RASSF6: variants seen among roughly 807,000 people sequenced by gnomAD.
RASSF6 encodes the protein Ras association domain family member 6.
In RASSF6, 52 loss-of-function variants were observed where a neutral mutation model predicts 44.0. That is an observed-to-expected ratio of 1.18 (90% CI 0.95 to 1.49). The LOEUF (loss-of-function observed/expected upper bound fraction) is 1.49, where lower values mean the gene tolerates loss of function less well. Ranked by LOEUF, RASSF6 falls within the 40% of genes most tolerant of loss-of-function variation. RASSF6 has a pLI of 0.00. For synonymous variants in RASSF6, 162 were observed against 124.6 expected (o/e 1.30, Z -2.00); for missense variants, 464 against 393.3 (o/e 1.18, Z -1.52).
chr4:73,592,454 T>G, intron 4 of RASSF6, among the ~76,000 whole-genome samples: 1 of 151,690 alleles, frequency 6.6e-6, no homozygotes, highest in East Asian at 1.9e-4. Flanking sequence ...GCTGGAGAGG[T>G]AAGGACTAAA....
chr4:73,617,513 AT>A (rs952221391), intron 1 of RASSF6, among the ~76,000 whole-genome samples: 1 of 152,180 alleles, frequency 6.6e-6, no homozygotes, highest in Non-Finnish European at 1.5e-5. Context: ...CCCAGTAGAA[AT>A]TCTTAGGCTG....
Position 73,573,751 on chromosome 4 carries a change from C to T in RASSF6, c.*2484G>A, listed in dbSNP as rs1723039246. ...ATTTATTTATTTATTTTACTTTGTA[C>T]TTCGGTGGCATGTCAGTTATTATTT... On this transcript the variant is annotated 3_prime_UTR_variant, in exon 11 of 11. Transcript: ENST00000307439. 1.3e-5 allele frequency: 2 copies of T among 152,126 alleles called. No homozygotes were observed. Among genetic ancestry groups the T allele is most frequent in the African/African-American group, 2.4e-5 (1 of 41,410 alleles). The allele number at this position is 152,126 out of a possible 1,614,324, so 9.4% of individuals were successfully genotyped here.
intron 8 of RASSF6, among the ~76,000 whole-genome samples, chr4:73,580,975 T>C (rs1318126997): frequency 6.6e-6 from 1 of 151,540 alleles, no homozygotes; most frequent in Non-Finnish European, 1.5e-5. Context: ...TGGTAATGCC[T>C]AGGTTTTCTT....
chr4:73,593,324 G>A (rs999894707), intron 4 of RASSF6, 127 bp downstream of exon 4: 2 of 988,402 alleles, frequency 2.0e-6, no homozygotes, highest in South Asian at 1.9e-5. Flanking sequence ...CCATTGCTGG[G>A]AAATTAAATG....
intron 2 of RASSF6, among the ~76,000 whole-genome samples, chr4:73,609,245 C>A (rs1207790767): frequency 1.3e-5 from 2 of 152,082 alleles, no homozygotes; most frequent in Non-Finnish European, 2.9e-5. Flanking sequence ...CTCTAAAGTG[C>A]CCAGATTTCA....
rs555760586 is a variant in RASSF6 at position 73,603,157 on chromosome 4, C to CA, written c.66-4440dup. Reference sequence around the variant, plus strand: ...TTCTCACACTTTTATATGTGAGACACAAAAAATTGATTTTCTAGGAAAGAG... The same window carrying CA: ...TTCTCACACTTTTATATGTGAGACACAAAAAAATTGATTTTCTAGGAAAGAG... On this transcript the variant is annotated intron_variant, in intron 2 of 10. Coordinates refer to ENST00000307439, the MANE Select transcript of RASSF6 (RefSeq NM_177532.5). Among the ~76,000 whole-genome samples the CA allele has an allele frequency of 1.9e-3, 291 of 152,178 alleles. 1 individual carries two copies. The highest frequency in any genetic ancestry group is 8.7e-3 in the South Asian group (42 of 4,820).
intron 2 of RASSF6, among the ~76,000 whole-genome samples, chr4:73,608,493 A>G (rs981838385): frequency 6.6e-6 from 1 of 152,192 alleles, no homozygotes; most frequent in Non-Finnish European, 1.5e-5. Context: ...AACAGATGTG[A>G]TACCCAGTTT....
At chr4:73,609,724 C>T (rs1725879597) in intron 2 of RASSF6, among the ~76,000 whole-genome samples, 1 of 152,100 alleles carries the variant, frequency 6.6e-6, no homozygotes, top group African/African-American at 2.4e-5. Flanking sequence ...AACTACTTGC[C>T]AAGTGAATAA....
In RASSF6 at chr4:73,620,387, A is replaced by AG; in HGVS notation, c.-135dup. The AG allele has an allele frequency of 3.3e-6, 5 of 1,531,542 alleles. No homozygotes were observed. In the South Asian group the frequency reaches 6.2e-5, roughly 19 times the overall value. 94.9% of individuals were successfully genotyped at this position (1,531,542 alleles called of 1,614,324 possible). On this transcript the variant is annotated 5_prime_UTR_variant, in exon 1 of 11. Transcript: ENST00000307439. Reference sequence around the variant, plus strand: ...TCGGCTGGGTCAGGAACTCTGGTAGAGGGAAACCAGTGCCCTGTCTCTGCC... The same window carrying AG: ...TCGGCTGGGTCAGGAACTCTGGTAGAGGGGAAACCAGTGCCCTGTCTCTGCC...
intron 5 of RASSF6, among the ~76,000 whole-genome samples, chr4:73,587,060 G>C (rs1390366431): frequency 6.6e-6 from 1 of 151,958 alleles, no homozygotes; most frequent in Non-Finnish European, 1.5e-5. Flanking sequence ...CCTCATTCTA[G>C]CTTCAGTCAT....
intron 2 of RASSF6, among the ~76,000 whole-genome samples, chr4:73,604,884 C>CTTTTTTTTTTTTTTTTTTTT (rs35609056): frequency 7.2e-6 from 1 of 138,332 alleles, no homozygotes; most frequent in African/African-American, 2.7e-5. Flanking sequence ...CATTTTCTTT[C>CTTTTTTTTTTTTTTTTTTTT]TTTTTTTTTT....
chr4:73,597,883 T>C (rs76383914), intron 3 of RASSF6, among the ~76,000 whole-genome samples: 1 of 152,118 alleles, frequency 6.6e-6, no homozygotes, highest in South Asian at 2.1e-4. Flanking sequence ...CCTAATACTG[T>C]TTGCTTTCAC....
At chr4:73,585,443 A>G in intron 5 of RASSF6, 79 bp from the exon 6 acceptor site, 4 of 960,584 alleles carry the variant, frequency 4.2e-6, no homozygotes, top group Non-Finnish European at 5.9e-6. Context: ...GTATGCTTTC[A>G]TTAATTTTAG....
In RASSF6 at chr4:73,609,212, A is replaced by C. The variant is rs551967464; in HGVS notation, c.65+2519T>G. 2.0e-5 allele frequency among the ~76,000 whole-genome samples: 3 copies of C among 152,290 alleles called. No individual in the cohort carries two copies. In the East Asian group the frequency reaches 5.8e-4, roughly 29 times the overall value. ...AACTTCTCCATTAATTTTTTTTTAA[A>C]TACATGGTTAGCATTTATTCACCTC... On this transcript the variant is annotated intron_variant, in intron 2 of 10. Transcript: ENST00000307439.
Position 73,585,325 on chromosome 4 carries a change from G to C in RASSF6, c.422C>G (p.Ala141Gly). Reference protein sequence around the residue: ...SYHSNTLKPHAKDEPDSPVLY... With the variant: ...SYHSNTLKPHGKDEPDSPVLY... ...CACTGGGGAGTCTGGTTCATCCTTT[G>C]CATGTGGCTTCAGGGTGTTGCTGTG... The change falls in exon 6 of 11, where the codon GCA (alanine) becomes GGA (glycine). Residue 141 changes from alanine to glycine, a missense_variant. Ala to Gly is a moderately conservative substitution (Grantham distance 60, BLOSUM62 0). Coordinates refer to ENST00000307439, the MANE Select transcript of RASSF6 (RefSeq NM_177532.5). 6.2e-7 allele frequency: 1 copy of C among 1,607,792 alleles called. No individual in the cohort carries two copies. The highest frequency in any genetic ancestry group is 1.1e-5 in the South Asian group (1 of 89,376).
chr4:73,613,670 C>T (rs918369657), intron 1 of RASSF6, among the ~76,000 whole-genome samples: 1 of 152,130 alleles, frequency 6.6e-6, no homozygotes, highest in South Asian at 2.1e-4. Context: ...CCTCATTTCT[C>T]GGCCTCTTAG....
At chr4:73,585,146 T>A in intron 6 of RASSF6, 34 bp downstream of exon 6, 1 of 1,452,832 alleles carries the variant, frequency 6.9e-7, no homozygotes. Flanking sequence ...GAACCTTATT[T>A]TATATTACAT....
chr4:73,585,392 T>C, intron 5 of RASSF6, 28 bp from the exon 6 acceptor site: 1 of 1,463,242 alleles, frequency 6.8e-7, no homozygotes, highest in Non-Finnish European at 9.2e-7. Context: ...TAAGCTCATA[T>C]CATTCAGCTG....
intron 4 of RASSF6, among the ~76,000 whole-genome samples, chr4:73,592,730 A>T (rs1247641): frequency 1.3e-5 from 2 of 152,210 alleles, no homozygotes; most frequent in African/African-American, 2.4e-5. Flanking sequence ...TAGAAAGCAC[A>T]ATGAGCCCTT....
Sources: gnomAD v4.1 joint callset for allele counts (sites outside exome capture counted in the v4.1 genomes callset) on GRCh38, gnomAD v4.1.1 for gene constraint, MANE v1.5 for transcripts, NCBI Gene and HGNC (gene_info 2026-07-23, HGNC 2026-07-21) for gene names.